Variants in SMG1 observed in about 807,000 individuals in gnomAD.
SMG1 encodes the protein SMG1 nonsense mediated mRNA decay associated PI3K related kinase, also known as serine/threonine-protein kinase SMG1.
In SMG1, 22 loss-of-function variants were observed where a neutral mutation model predicts 419.9. That is an observed-to-expected ratio of 0.05 (90% CI 0.04 to 0.07). The LOEUF is 0.07. SMG1 is among the 10% of genes least tolerant of loss of function. The pLI, the probability that SMG1 is intolerant of heterozygous loss-of-function variation, is 1.00. For synonymous variants in SMG1, 1,538 were observed against 1,553.5 expected, an observed-to-expected ratio of 0.99 and a Z score of 0.23; for missense variants, 3,185 against 4,342.0, an observed-to-expected ratio of 0.73 and a Z score of 7.49.
At position 18,837,282 on chromosome 16, in the gene SMG1, C is replaced by G. The variant is rs768841316; in HGVS notation, c.7575G>C (p.Val2525=). 3 of 1,613,550 alleles carry G rather than the reference C, an allele frequency of 1.9e-6. No homozygotes were observed. The South Asian group carries it at 3.3e-5, about 18-fold the overall frequency. The part of the protein sequence containing the change: ...EIEFLEGAEG[V]DHPSHTLQHR... The stretch of plus-strand genomic sequence containing the variant: ...GTTGCAGAGTATGAGAAGGATGATC[C>G]ACCCCTTCAGCTCCTTCTAGAAACT... Residue 2525 remains valine (V), a synonymous_variant, in exon 46 of 63, where the codon GTG becomes GTC. Transcript: ENST00000446231.
At chr16:18,859,511 CAT>C (rs1567380742) in intron 27 of SMG1, 43 bp downstream of exon 27, 7 of 965,298 alleles carry the variant, frequency 7.3e-6, no homozygotes, top group South Asian at 4.5e-5. Flanking sequence ...ATGTTTATCA[CAT>C]GATATACACA....
At position 18,827,429 on chromosome 16, in the gene SMG1, A is replaced by AAT. The variant is rs201263828; in HGVS notation, c.9741+600_9741+601dup. Among the ~76,000 whole-genome samples, 203 of 128,164 alleles carry AAT rather than the reference A, an allele frequency of 1.6e-3. 2 individuals carry two copies. In the South Asian group the frequency reaches 0.027, roughly 17 times the overall value. 84.1% of individuals were successfully genotyped at this position (128,164 alleles called of 152,430 possible). A position where few individuals can be genotyped will look rare whatever the true frequency, so the allele number is the denominator to read the frequency against. On this transcript the variant is annotated intron_variant, in intron 55 of 62. Coordinates refer to ENST00000446231, the MANE Select transcript of SMG1 (RefSeq NM_015092.5). Reference sequence around the variant, plus strand: ...CAACAAAGCGAGACTCTGTCTCCAAAATATATATATATAGGTATAAATATA... The same window carrying AAT: ...CAACAAAGCGAGACTCTGTCTCCAAAATATATATATATATAGGTATAAATATA...
chr16:18,855,537 C>T (rs1436751395), intron 29 of SMG1, among the ~76,000 whole-genome samples: 2 of 152,206 alleles, frequency 1.3e-5, no homozygotes, highest in Non-Finnish European at 2.9e-5. Flanking sequence ...TAATGTCAGT[C>T]ATGCCAAATG....
chr16:18,853,539 T>C (rs1227434839), intron 31 of SMG1, 44 bp downstream of exon 31: 13 of 1,438,414 alleles, frequency 9.0e-6, no homozygotes, highest in South Asian at 4.5e-5. Context: ...GAAAAAAATA[T>C]AGCTTCTAAA....
intron 13 of SMG1, among the ~76,000 whole-genome samples, chr16:18,873,601 A>T (rs191535293): frequency 1.3e-5 from 2 of 152,344 alleles, no homozygotes; most frequent in Non-Finnish European, 2.9e-5. Flanking sequence ...AGTGAATTAT[A>T]CATTTAAAAT....
chr16:18,905,768 C>CT, intron 1 of SMG1, among the ~76,000 whole-genome samples: 1 of 151,930 alleles, frequency 6.6e-6, no homozygotes, highest in Non-Finnish European at 1.5e-5. Context: ...CCTGCTACCA[C>CT]ACCCGGCTAA....
intron 55 of SMG1, among the ~76,000 whole-genome samples, chr16:18,821,217 G>GTTTTTTTTTTTTTTTTTTTTT (rs2032501770): frequency 3.2e-5 from 1 of 31,736 alleles, no homozygotes; most frequent in African/African-American, 1.1e-4. Context: ...TATTTAGTAT[G>GTTTTTTTTTTTTTTTTTTTTT]TTTCTTTTTT....
chr16:18,892,324 C>T lies in SMG1; in HGVS notation c.443G>A (p.Arg148Gln). The T allele has an allele frequency of 1.9e-6, 3 of 1,549,522 alleles. No individual in the cohort carries two copies. The highest frequency in any genetic ancestry group is 1.7e-6 in the Non-Finnish European group (2 of 1,146,608). ...GATCCTCCGAAGAAGATTCGACAGT[C>T]GAGACTCATCAGAATAAGACATCGA... ...ERSMSYSDES[R>Q]LSNLLRRITR... Residue 148 changes from arginine (R) to glutamine (Q), a missense_variant, in exon 4 of 63, where the codon CGA (arginine) becomes CAA (glutamine). Physicochemically the swap from Arg to Gln is conservative, Grantham distance 43. Around this residue, in one of 27 missense-constraint regions of SMG1, gnomAD observed 23 missense variants for 20.5 expected, o/e 1.12. Transcript: ENST00000446231.
intron 1 of SMG1, among the ~76,000 whole-genome samples, chr16:18,922,168 A>G (rs1161336636): frequency 1.3e-5 from 2 of 152,246 alleles, no homozygotes; most frequent in South Asian, 4.1e-4. Flanking sequence ...TTACACATTT[A>G]ATTTTAAAAC....
chr16:18,898,598 AAGAG>A (rs928607259), intron 1 of SMG1, among the ~76,000 whole-genome samples: 196 of 152,330 alleles, frequency 1.3e-3, no homozygotes, highest in African/African-American at 4.3e-3. Context: ...ATTGAAACAT[AAGAG>A]AGCTTATAAT....
chr16:18,868,603 G>T lies in SMG1; in HGVS notation c.2950C>A (p.Leu984Met). Reference sequence around the variant, plus strand: ...TTCTCCAGATTTTCCAGATACTGCAGAAGAAGAACAAGTCTAAGTTGGTTG... The same window carrying T: ...TTCTCCAGATTTTCCAGATACTGCATAAGAAGAACAAGTCTAAGTTGGTTG... The part of the protein sequence containing the change: ...GNNQLRLVLL[L>M]QYLENLEKLM... Residue 984 changes from leucine (L) to methionine (M), a missense_variant, in exon 21 of 63, where the codon CTG (leucine) becomes ATG (methionine). By Grantham distance (15) the Leu-to-Met change is conservative (BLOSUM62 2). This residue lies in a region of SMG1 where 70 missense variants were observed against 185.7 expected (regional missense o/e 0.38). Transcript: ENST00000446231. 1 of 1,593,042 alleles carries T rather than the reference G, an allele frequency of 6.3e-7. No homozygotes were observed. Among genetic ancestry groups the T allele is most frequent in the Non-Finnish European group, 8.5e-7 (1 of 1,175,682 alleles).
intron 3 of SMG1, among the ~76,000 whole-genome samples, chr16:18,895,018 C>T (rs1174557968): frequency 1.3e-5 from 2 of 151,938 alleles, no homozygotes; most frequent in African/African-American, 4.8e-5. Context: ...AGGGTTTCAC[C>T]GTGTTAGCCA....
intron 62 of SMG1, 30 bp from the exon 63 acceptor site, chr16:18,809,676 G>A: frequency 6.6e-7 from 1 of 1,518,170 alleles, no homozygotes; most frequent in Non-Finnish European, 9.0e-7. Context: ...AGTATGTAAA[G>A]TCATTTAAAG....
At chr16:18,882,560 G>T (rs1339950272) in intron 9 of SMG1, among the ~76,000 whole-genome samples, 1 of 152,096 alleles carries the variant, frequency 6.6e-6, no homozygotes, top group African/African-American at 2.4e-5. Flanking sequence ...ACAAATTAAA[G>T]AAATAATCTC....
chr16:18,894,679 TAAA>T (rs34559113), intron 3 of SMG1, among the ~76,000 whole-genome samples: 35 of 121,214 alleles, frequency 2.9e-4, no homozygotes, highest in African/African-American at 8.4e-4. Context: ...CACACAGTAT[TAAA>T]AAAAAAAAAA....
intron 9 of SMG1, among the ~76,000 whole-genome samples, chr16:18,882,998 A>T (rs939389663): frequency 8.5e-5 from 13 of 152,232 alleles, no homozygotes; most frequent in African/African-American, 3.1e-4. Context: ...TGGGCTGTGA[A>T]AAAAAGACGT....
intron 40 of SMG1, 132 bp downstream of exon 40, chr16:18,842,076 A>C: frequency 1.0e-6 from 1 of 994,056 alleles, no homozygotes; most frequent in South Asian, 1.7e-5. Context: ...CATAAGATAT[A>C]GGGCACTGCA....
rs1473826318 is a variant in SMG1, at chr16:18,830,380, A to AG, written c.8793-12_8793-11insC. ...TGAGCATGTAGTAGTCTACAGAAAA[A>AG]CAAAAGGAGTTAAAACCTTCGCTGA... On this transcript the variant is annotated splice_polypyrimidine_tract_variant and intron_variant, in intron 51 of 62. Transcript: ENST00000446231. The AG allele has an allele frequency of 8.1e-6, 13 of 1,613,574 alleles. No individual in the cohort carries two copies. The highest frequency in any genetic ancestry group is 1.3e-5 in the African/African-American group (1 of 74,916).
At chr16:18,866,477 G>C (rs184273704) in intron 23 of SMG1, 144 bp downstream of exon 23, 21 of 764,696 alleles carry the variant, frequency 2.7e-5, no homozygotes, top group Admixed American at 4.5e-5. Context: ...AACTGAAGAC[G>C]CCTCCTGGTG....
Sources: gnomAD v4.1 joint callset for allele counts (sites outside exome capture counted in the v4.1 genomes callset) on GRCh38, gnomAD v4.1.1 for gene constraint, gnomAD v4.1.1 regional missense constraint, MANE v1.5 for transcripts, NCBI Gene and HGNC (gene_info 2026-07-23, HGNC 2026-07-21) for gene names.